Variants in SRFBP1 observed in about 807,000 individuals in gnomAD.
SRFBP1 encodes the protein serum response factor binding protein 1.
A neutral mutation model predicts 45.5 loss-of-function variants in SRFBP1; 47 were observed. The observed-to-expected ratio is 1.03, with a 90% CI of 0.82 to 1.32. The LOEUF is 1.32. SRFBP1 is among the 40% of genes most tolerant of loss of function. The pLI, the probability that SRFBP1 is intolerant of heterozygous loss-of-function variation, is 0.00. For missense variants in SRFBP1, 621 were observed against 484.6 expected, an observed-to-expected ratio of 1.28 and a Z score of -2.64; for synonymous variants, 203 against 166.3, an observed-to-expected ratio of 1.22 and a Z score of -1.70.
chr5:122,049,217 G>A (rs1753923771), intron 2 of SRFBP1, among the ~76,000 whole-genome samples: 1 of 152,102 alleles, frequency 6.6e-6, no homozygotes, highest in African/African-American at 2.4e-5. Flanking sequence ...AAATGCAGGG[G>A]TTGCAATCCT....
At chr5:122,048,715 A>G (rs1753911046) in intron 2 of SRFBP1, among the ~76,000 whole-genome samples, 1 of 152,106 alleles carries the variant, frequency 6.6e-6, no homozygotes, top group Non-Finnish European at 1.5e-5. Flanking sequence ...TATTGCCTCA[A>G]TTTCAGAGCC....
At chr5:121,989,700 G>A (rs183425551) in intron 3 of SRFBP1, among the ~76,000 whole-genome samples, 25 of 152,260 alleles carry the variant, frequency 1.6e-4, no homozygotes, top group Non-Finnish European at 2.8e-4. Flanking sequence ...TGGCACCTGC[G>A]TGGCTAAATA....
intron 2 of SRFBP1, chr5:122,075,263 A>T: frequency 1.4e-6 from 1 of 739,372 alleles, no homozygotes. Context: ...GTTATGTGAA[A>T]TTACATAGAG....
downstream of SRFBP1, among the ~76,000 whole-genome samples, chr5:122,032,244 A>AT (rs1379175950): frequency 6.7e-6 from 1 of 148,754 alleles, no homozygotes; most frequent in Non-Finnish European, 1.5e-5. Flanking sequence ...TATTTTAATG[A>AT]TTTTTCCTCC....
At chr5:121,976,085 G>A (rs1044538126) in intron 3 of SRFBP1, among the ~76,000 whole-genome samples, 2 of 151,576 alleles carry the variant, frequency 1.3e-5, no homozygotes, top group African/African-American at 4.8e-5. Flanking sequence ...ATTATATTTT[G>A]GTATAACTTT....
At chr5:121,979,733 C>T (rs1561578724) in intron 3 of SRFBP1, among the ~76,000 whole-genome samples, 1 of 152,104 alleles carries the variant, frequency 6.6e-6, no homozygotes, top group Non-Finnish European at 1.5e-5. Flanking sequence ...CCACAGGGTC[C>T]TTCCTTTCCA....
intron 3 of SRFBP1, among the ~76,000 whole-genome samples, chr5:121,987,150 G>A (rs1286136485): frequency 6.6e-6 from 1 of 152,054 alleles, no homozygotes; most frequent in East Asian, 1.9e-4. Context: ...TTGAACGTAG[G>A]AGTAGGATAA....
chr5:122,066,866 T>C (rs1341671909), intron 2 of SRFBP1: 5 of 668,484 alleles, frequency 7.5e-6, no homozygotes, highest in Middle Eastern at 3.9e-4. Flanking sequence ...TCCCTCCACC[T>C]AAGCAGCAAT....
intron 3 of SRFBP1, among the ~76,000 whole-genome samples, chr5:121,980,786 G>A (rs943583958): frequency 5.9e-5 from 9 of 152,086 alleles, no homozygotes; most frequent in Non-Finnish European, 1.3e-4. Context: ...TCCAGTCTCA[G>A]TTTACATCTT....
chr5:122,077,265 G>A, downstream of SRFBP1: 1 of 1,568,882 alleles, frequency 6.4e-7, no homozygotes, highest in Non-Finnish European at 8.6e-7. This position sits in a 1 kb window ranked among gnomAD's most constrained non-coding sequence, Gnocchi z 4.9. Flanking sequence ...GCGAGGACCG[G>A]GGCCCGCCGC....
intron 2 of SRFBP1, chr5:122,075,252 G>A (rs1754582482): frequency 1.6e-6 from 1 of 637,184 alleles, no homozygotes; most frequent in Non-Finnish European, 2.6e-6. Flanking sequence ...GTAGTAGATG[G>A]GTTATGTGAA....
chr5:122,029,493 C>T (rs952899155), downstream of SRFBP1, among the ~76,000 whole-genome samples: 3 of 152,170 alleles, frequency 2.0e-5, no homozygotes, highest in Non-Finnish European at 4.4e-5. Context: ...CTTGAAAGAA[C>T]CCTTCTACAG....
rs369275341 is a variant in SRFBP1 at position 122,020,427 on chromosome 5, G to A, written c.692G>A (p.Ser231Asn). The change falls in exon 6 of 8, where the codon AGT becomes AAT. Residue 231 changes from serine to asparagine, a missense_variant. Physicochemically the swap from Ser to Asn is conservative, Grantham distance 46. Coordinates refer to ENST00000339397, the MANE Select transcript of SRFBP1 (RefSeq NM_152546.3). ...GCTGACCCAAAACTGAAAACTCTAAGTCAAACCAAAAAAAACAAAGGATCT... is the reference window on the plus strand; with the variant it reads ...GCTGACCCAAAACTGAAAACTCTAAATCAAACCAAAAAAAACAAAGGATCT... Reference protein sequence around the residue: ...TPADPKLKTLSQTKKNKGSDS... With the variant: ...TPADPKLKTLNQTKKNKGSDS... 1.3e-5 allele frequency: 21 copies of A among 1,613,874 alleles called. No individual in the cohort carries two copies. The highest frequency in any genetic ancestry group is 1.8e-5 in the Non-Finnish European group (21 of 1,179,974).
At chr5:122,074,961 T>C (rs987548970) in intron 2 of SRFBP1, among the ~76,000 whole-genome samples, 4 of 152,214 alleles carry the variant, frequency 2.6e-5, no homozygotes, top group African/African-American at 9.7e-5. Context: ...GATACAGGTC[T>C]TTTAAAAGAT....
At chr5:121,995,019 C>A (rs562286552) in intron 4 of SRFBP1, among the ~76,000 whole-genome samples, 1 of 147,388 alleles carries the variant, frequency 6.8e-6, no homozygotes, top group Non-Finnish European at 1.5e-5. Context: ...TAAAGCAAGT[C>A]CTGAGTGACC....
intron 2 of SRFBP1, among the ~76,000 whole-genome samples, chr5:122,061,415 C>T (rs901585540): frequency 6.7e-6 from 1 of 150,374 alleles, no homozygotes; most frequent in African/African-American, 2.4e-5. Context: ...ATTTTTTTCT[C>T]TCTCCAAATT....
At chr5:122,040,907 T>C (rs1405886516) in intron 2 of SRFBP1, among the ~76,000 whole-genome samples, 1 of 152,136 alleles carries the variant, frequency 6.6e-6, no homozygotes, top group Non-Finnish European at 1.5e-5. Context: ...AACTGGTTAT[T>C]TCCTCCTTTT....
intron 4 of SRFBP1, among the ~76,000 whole-genome samples, chr5:122,001,747 T>G (rs914560335): frequency 6.6e-6 from 1 of 151,714 alleles, no homozygotes; most frequent in African/African-American, 2.4e-5. Flanking sequence ...ATTTTTAGTA[T>G]AGACGGGGTT....
chr5:122,014,769 C>T (rs992281228), intron 4 of SRFBP1, among the ~76,000 whole-genome samples: 3 of 151,944 alleles, frequency 2.0e-5, no homozygotes, highest in African/African-American at 7.3e-5. Flanking sequence ...TAGCATTTAC[C>T]CCGGAGTCCA....
Sources: allele counts gnomAD v4.1 joint callset (sites outside exome capture counted in the v4.1 genomes callset), GRCh38; gene constraint gnomAD v4.1.1; non-coding constraint Gnocchi (gnomAD v3.1); transcripts MANE v1.5; gene names NCBI Gene and HGNC (gene_info 2026-07-23, HGNC 2026-07-21).